ATP10D: variants seen among roughly 807,000 people sequenced by gnomAD.
ATP10D encodes ATPase phospholipid transporting 10D (putative).
A neutral mutation model predicts 144.8 loss-of-function variants in ATP10D; 89 were observed. The observed-to-expected ratio is 0.61, with a 90% CI of 0.52 to 0.73. The LOEUF is 0.73. Among genes scored for constraint, ATP10D ranks in the 30% least tolerant of loss-of-function variants. The probability of loss-of-function intolerance (pLI) is 0.00; values close to 1 mark genes in which losing one functional copy is unlikely to be tolerated. For synonymous variants in ATP10D, 571 were observed against 615.1 expected, an observed-to-expected ratio of 0.93 and a Z score of 1.06; for missense variants, 1,603 against 1,714.8, an observed-to-expected ratio of 0.93 and a Z score of 1.15.
At chr4:47,519,194 C>A (rs959154021) in intron 3 of ATP10D, among the ~76,000 whole-genome samples, 1 of 152,206 alleles carries the variant, frequency 6.6e-6, no homozygotes, top group African/African-American at 2.4e-5. Context: ...AAGTAGGCAT[C>A]CACATTCCCC....
chr4:47,486,321 TA>T (rs1258544568), intron 1 of ATP10D, among the ~76,000 whole-genome samples: 1 of 152,246 alleles, frequency 6.6e-6, no homozygotes, highest in Non-Finnish European at 1.5e-5. Context: ...CTCAGGTTTT[TA>T]AAATGTGATC....
chr4:47,536,669 T>C lies in ATP10D; in HGVS notation c.1144-17T>C. 1 of 1,598,414 alleles carries C rather than the reference T, an allele frequency of 6.3e-7. No homozygotes were observed. The highest frequency in any genetic ancestry group is 8.5e-7 in the Non-Finnish European group (1 of 1,173,152). On this transcript the variant is annotated splice_polypyrimidine_tract_variant and intron_variant, in intron 8 of 22. Transcript: ENST00000273859. ...TAACCTACGTTAACATTTTAAAACT[T>C]GTTTGGATCTTCTTAGGTCTTGATT... is the stretch of plus-strand genomic sequence containing the variant.
At position 47,572,860 on chromosome 4, in the gene ATP10D, T is replaced by C. The variant is rs1370445239; in HGVS notation, c.3241-12T>C. Reference sequence around the variant, plus strand: ...CACTCAGGATGGCATTCTCTCCCCATTGCATCTGCAGGCTGTGATGGCCAG... The same window carrying C: ...CACTCAGGATGGCATTCTCTCCCCACTGCATCTGCAGGCTGTGATGGCCAG... On this transcript the variant is annotated splice_polypyrimidine_tract_variant and intron_variant, in intron 17 of 22. Transcript: ENST00000273859. 9 of 1,614,086 alleles carry C rather than the reference T, an allele frequency of 5.6e-6. No individual in the cohort carries two copies. Among genetic ancestry groups the C allele is most frequent in the African/African-American group, 2.7e-5 (2 of 75,044 alleles).
rs4145944 is a variant in ATP10D, at chr4:47,591,266, G to C, written c.4166G>C (p.Ser1389Thr). The C allele has an allele frequency of 0.36, 584,562 of 1,613,290 alleles. 111,376 individuals are homozygous for C. The highest frequency in any genetic ancestry group is 0.62 in the African/African-American group (46,372 of 74,904). Reference protein sequence around the residue: ...PSAVFAMKSASSCAIEQGNLS... With the variant: ...PSAVFAMKSATSCAIEQGNLS... ...GCTGTATTTGCAATGAAGTCAGCAA[G>C]TTCCTGTGCTATTGAGCAAGGAAAC... The change falls in exon 23 of 23, where the codon AGT (serine) becomes ACT (threonine). Residue 1389 changes from serine (S) to threonine (T), a missense_variant. Physicochemically the swap from Ser to Thr is moderately conservative, Grantham distance 58. Coordinates refer to ENST00000273859, the MANE Select transcript of ATP10D (RefSeq NM_020453.4).
chr4:47,518,373 A>G (rs527703254), intron 3 of ATP10D, among the ~76,000 whole-genome samples: 1 of 152,270 alleles, frequency 6.6e-6, no homozygotes, highest in South Asian at 2.1e-4. Context: ...ATTATAGAAA[A>G]CCTGACTTTC....
At chr4:47,524,993 C>A (rs954444805) in intron 4 of ATP10D, among the ~76,000 whole-genome samples, 1 of 151,984 alleles carries the variant, frequency 6.6e-6, no homozygotes, top group African/African-American at 2.4e-5. Context: ...CAGGGGAATC[C>A]ATACCTTAAA....
chr4:47,582,084 C>G lies in ATP10D; in HGVS notation c.3753+20C>G. On this transcript the variant is annotated intron_variant, in intron 21 of 22. Transcript: ENST00000273859. Reference sequence around the variant, plus strand: ...AGTTTGGTGAGTGGTTTTCTTGCCTCTGAAGTAGCCTAAAATCTTTTATGC... The same window carrying G: ...AGTTTGGTGAGTGGTTTTCTTGCCTGTGAAGTAGCCTAAAATCTTTTATGC... 1.3e-6 allele frequency: 2 copies of G among 1,566,486 alleles called. No individual in the cohort carries two copies. Among genetic ancestry groups the G allele is most frequent in the Non-Finnish European group, 1.8e-6 (2 of 1,137,008 alleles).
At chr4:47,548,873 A>G (rs1279108789) in intron 10 of ATP10D, among the ~76,000 whole-genome samples, 1 of 152,238 alleles carries the variant, frequency 6.6e-6, no homozygotes, top group African/African-American at 2.4e-5. Flanking sequence ...GATCTGAAAA[A>G]TGAGCATCTG....
intron 5 of ATP10D, among the ~76,000 whole-genome samples, chr4:47,530,180 T>A (rs1717488330): frequency 6.6e-6 from 1 of 152,172 alleles, no homozygotes; most frequent in Non-Finnish European, 1.5e-5. Context: ...CTCCAAGTAC[T>A]ATGTTGAACA....
chr4:47,521,090 T>C (rs961100616), intron 3 of ATP10D, among the ~76,000 whole-genome samples: 4 of 152,266 alleles, frequency 2.6e-5, no homozygotes, highest in Admixed American at 2.0e-4. Flanking sequence ...ACACCACTTA[T>C]CTCGGGTCTT....
chr4:47,563,454 G>T, intron 14 of ATP10D, 127 bp from the exon 15 acceptor site: 1 of 751,306 alleles, frequency 1.3e-6, no homozygotes, highest in Non-Finnish European at 2.0e-6. Context: ...TGACTCTCCT[G>T]AGCAGCTGGG....
chr4:47,534,678 C>T (rs28493195), intron 5 of ATP10D, among the ~76,000 whole-genome samples: 41,291 of 151,990 alleles, frequency 0.27, 6,162 homozygotes, highest in Admixed American at 0.35. Flanking sequence ...TCATCCAAGT[C>T]GAAAATGATA....
rs775497302 is a variant in ATP10D, at chr4:47,535,929, A to G, written c.911A>G (p.Asn304Ser). ...CATGAAACCAAAGCAATGCTGAACA[A>G]CAGTGGGCCACGGTATAAGCGCAGC... ...AGHETKAMLN[N>S]SGPRYKRSKL... is the part of the protein sequence containing the mutation. Residue 304 changes from asparagine (N) to serine (S), a missense_variant, in exon 7 of 23, where the codon AAC becomes AGC. Transcript: ENST00000273859. 7 of 1,612,860 alleles carry G rather than the reference A, an allele frequency of 4.3e-6. No individual in the cohort carries two copies. The African/African-American group carries it at 9.3e-5, about 22-fold the overall frequency.
chr4:47,559,910 G>A (rs1719206355), intron 13 of ATP10D, among the ~76,000 whole-genome samples: 1 of 152,194 alleles, frequency 6.6e-6, no homozygotes, highest in Non-Finnish European at 1.5e-5. Flanking sequence ...TGAGACAGGA[G>A]AATTGCTTGA....
chr4:47,534,781 TA>T (rs775549987), intron 5 of ATP10D, among the ~76,000 whole-genome samples: 27 of 152,172 alleles, frequency 1.8e-4, no homozygotes, highest in East Asian at 1.5e-3. Context: ...TTGCTTGGAA[TA>T]TTTTTTTATA....
chr4:47,522,822 G>C (rs1160116351), intron 3 of ATP10D, among the ~76,000 whole-genome samples, 190 bp from the exon 4 acceptor site: 2 of 152,078 alleles, frequency 1.3e-5, no homozygotes, highest in Non-Finnish European at 2.9e-5. Context: ...ACCCATCTCG[G>C]CCTCCCAAAG....
chr4:47,553,310 G>T (rs1718818621), intron 10 of ATP10D, among the ~76,000 whole-genome samples: 1 of 152,152 alleles, frequency 6.6e-6, no homozygotes, highest in South Asian at 2.1e-4. Context: ...CTAATTAACA[G>T]CCATCAGCTC....
chr4:47,532,266 A>G (rs900632595), intron 5 of ATP10D, among the ~76,000 whole-genome samples: 1 of 152,148 alleles, frequency 6.6e-6, no homozygotes, highest in Non-Finnish European at 1.5e-5. Context: ...ACCTAGTTCC[A>G]AGGCCCTATT....
intron 1 of ATP10D, among the ~76,000 whole-genome samples, chr4:47,502,623 C>A (rs910105853): frequency 6.8e-6 from 1 of 147,768 alleles, no homozygotes; most frequent in Non-Finnish European, 1.5e-5. Flanking sequence ...ATACGATATA[C>A]ATATACGTAT....
Sources: gnomAD v4.1 joint callset for allele counts (sites outside exome capture counted in the v4.1 genomes callset) on GRCh38, gnomAD v4.1.1 for gene constraint, MANE v1.5 for transcripts, NCBI Gene and HGNC (gene_info 2026-07-23, HGNC 2026-07-21) for gene names.